PSD3: variants seen among roughly 807,000 people sequenced by gnomAD.
PSD3 encodes pleckstrin and Sec7 domain containing 3.
In PSD3, 49 loss-of-function variants were observed where a neutral mutation model predicts 105.5. The observed-to-expected ratio is 0.46, with a 90% CI of 0.37 to 0.59. The LOEUF (loss-of-function observed/expected upper bound fraction) is 0.59. Among genes scored for constraint, PSD3 ranks in the 20% least tolerant of loss-of-function variants. PSD3 has a pLI of 0.00. For missense variants in PSD3, 1,561 were observed against 1,263.8 expected, an observed-to-expected ratio of 1.24 and a Z score of -3.57; for synonymous variants, 557 against 457.8, an observed-to-expected ratio of 1.22 and a Z score of -2.77.
chr8:18,930,217 G>A (rs1030581564), intron 2 of PSD3, among the ~76,000 whole-genome samples: 4 of 152,182 alleles, frequency 2.6e-5, no homozygotes, highest in African/African-American at 9.6e-5. Flanking sequence ...CCTGAAAGCT[G>A]TCCATAGAGA....
At chr8:18,678,448 A>G (rs1585593547) in intron 9 of PSD3, among the ~76,000 whole-genome samples, 1 of 152,224 alleles carries the variant, frequency 6.6e-6, no homozygotes, top group Non-Finnish European at 1.5e-5. Context: ...TCTGCCTATC[A>G]TTCTTTCCAC....
chr8:19,023,751 T>C (rs528263451), intron 1 of PSD3, among the ~76,000 whole-genome samples: 32 of 152,282 alleles, frequency 2.1e-4, no homozygotes, highest in South Asian at 2.1e-4. Flanking sequence ...TATTTAGACA[T>C]TGCAGCTCTA....
chr8:18,628,869 C>G (rs1806688675), intron 11 of PSD3, among the ~76,000 whole-genome samples: 1 of 151,810 alleles, frequency 6.6e-6, no homozygotes, highest in African/African-American at 2.4e-5. Context: ...AAAAAATAAT[C>G]CTACACAAGA....
At chr8:18,801,413 A>C in intron 6 of PSD3, 31 bp from the exon 7 acceptor site, 1 of 1,304,976 alleles carries the variant, frequency 7.7e-7, no homozygotes. Flanking sequence ...TAAACAGTGA[A>C]ATTTTCGAAA....
chr8:19,069,838 G>C (rs1468853354), intron 1 of PSD3, among the ~76,000 whole-genome samples: 1 of 152,122 alleles, frequency 6.6e-6, no homozygotes, highest in Non-Finnish European at 1.5e-5. Flanking sequence ...GTGAATTTCA[G>C]ATAAACAACA....
intron 3 of PSD3, among the ~76,000 whole-genome samples, chr8:18,869,555 A>G (rs1001873862): frequency 2.0e-5 from 3 of 152,300 alleles, no homozygotes; most frequent in African/African-American, 4.8e-5. Flanking sequence ...GGCTTCACAC[A>G]TCTGCAGGAA....
At chr8:18,691,651 A>G (rs1800979976) in intron 9 of PSD3, among the ~76,000 whole-genome samples, 1 of 152,234 alleles carries the variant, frequency 6.6e-6, no homozygotes, top group Non-Finnish European at 1.5e-5. Context: ...TAAAAGGGTG[A>G]GTGCTGAGAA....
chr8:18,610,620 A>G (rs1805192762), intron 11 of PSD3, among the ~76,000 whole-genome samples: 1 of 152,188 alleles, frequency 6.6e-6, no homozygotes. Flanking sequence ...AACAGAACCT[A>G]TACCTATTGC....
chr8:18,872,637 G>C lies in PSD3; in HGVS notation c.227C>G (p.Ser76Cys). The part of the protein sequence containing the change: ...MEEGGEGLRA[S>C]LEFDGEALPC... ...CAGAGCCTCACCATCAAATTCCAGA[G>C]AAGCCCTTAGGCCTTCTCCACCTTC... Residue 76 changes from serine (S) to cysteine (C), a missense_variant, in exon 3 of 16, where the codon TCT becomes TGT. Coordinates refer to ENST00000327040, the MANE Select transcript of PSD3 (RefSeq NM_015310.4). 6.2e-7 allele frequency: 1 copy of C among 1,613,894 alleles called. No homozygotes were observed.
chr8:18,748,326 T>C (rs1384684684), intron 9 of PSD3, among the ~76,000 whole-genome samples: 1 of 151,986 alleles, frequency 6.6e-6, no homozygotes, highest in Non-Finnish European at 1.5e-5. Context: ...ATAAATAAAT[T>C]AGGTGAAAAG....
intron 1 of PSD3, among the ~76,000 whole-genome samples, chr8:18,947,393 G>T (rs982635679): frequency 1.3e-5 from 2 of 152,184 alleles, no homozygotes; most frequent in Non-Finnish European, 2.9e-5. Flanking sequence ...ACCAATAACT[G>T]AATTCATGGC....
intron 15 of PSD3, among the ~76,000 whole-genome samples, chr8:18,536,599 T>C (rs575527852): frequency 2.0e-5 from 3 of 152,238 alleles, no homozygotes; most frequent in Non-Finnish European, 4.4e-5. Flanking sequence ...AGTATGAAGC[T>C]GGCAGAATTT....
chr8:18,536,373 A>G (rs556609408), intron 15 of PSD3, among the ~76,000 whole-genome samples: 1 of 152,258 alleles, frequency 6.6e-6, no homozygotes, highest in African/African-American at 2.4e-5. Flanking sequence ...AGGCCTCACA[A>G]GAAACTGGCT....
chr8:18,729,025 G>C (rs1803535567), intron 9 of PSD3, among the ~76,000 whole-genome samples: 1 of 152,152 alleles, frequency 6.6e-6, no homozygotes, highest in African/African-American at 2.4e-5. Flanking sequence ...AAGAAAACCT[G>C]TTGATTTGAA....
At chr8:18,784,108 C>T (rs1441786647) in intron 8 of PSD3, among the ~76,000 whole-genome samples, 3 of 152,016 alleles carry the variant, frequency 2.0e-5, no homozygotes, top group East Asian at 1.9e-4. Context: ...GAATTTTGTC[C>T]TATCCTTGAG....
intron 9 of PSD3, among the ~76,000 whole-genome samples, chr8:18,747,811 G>C (rs1805151409): frequency 6.6e-6 from 1 of 150,538 alleles, no homozygotes; most frequent in African/African-American, 2.4e-5. Flanking sequence ...TTATCAAAGT[G>C]AGTAAAAAAA....
intron 15 of PSD3, among the ~76,000 whole-genome samples, chr8:18,543,632 A>AC (rs1554508192): frequency 2.6e-5 from 4 of 152,016 alleles, no homozygotes; most frequent in African/African-American, 9.7e-5. Context: ...ACAAAAAAAA[A>AC]AACAACAACA....
chr8:18,898,577 A>T (rs1391150157), intron 2 of PSD3, among the ~76,000 whole-genome samples: 1 of 152,196 alleles, frequency 6.6e-6, no homozygotes, highest in African/African-American at 2.4e-5. Context: ...CCAAAAACTT[A>T]GCTACTAACA....
At chr8:18,836,951 TG>T (rs953841517) in intron 4 of PSD3, among the ~76,000 whole-genome samples, 12 of 150,260 alleles carry the variant, frequency 8.0e-5, no homozygotes, top group African/African-American at 2.7e-4. Context: ...GTTTCTTACG[TG>T]TTTTTTTTTT....
Sources: allele counts gnomAD v4.1 joint callset (sites outside exome capture counted in the v4.1 genomes callset), GRCh38; gene constraint gnomAD v4.1.1; transcripts MANE v1.5; gene names NCBI Gene and HGNC (gene_info 2026-07-23, HGNC 2026-07-21).